The following ATP1B1 variants were observed in gnomAD, a reference collection of about 807,000 sequenced individuals.
ATP1B1 encodes ATPase Na+/K+ transporting subunit beta 1, also known as sodium/potassium-transporting ATPase subunit beta-1.
Under a neutral mutation model 39.6 loss-of-function variants are expected in ATP1B1, and 3 were observed. The ratio of observed to expected loss-of-function variants is 0.08; its 90% CI spans 0.03 to 0.20. The LOEUF is 0.20. ATP1B1 is among the 10% of genes least tolerant of loss of function. The pLI is 1.00. For synonymous variants in ATP1B1, 139 were observed against 135.0 expected, an observed-to-expected ratio of 1.03 and a Z score of -0.20; for missense variants, 216 against 371.1, an observed-to-expected ratio of 0.58 and a Z score of 3.43.
chr1:169,129,611 A>G (rs185663577), intron 4 of ATP1B1, among the ~76,000 whole-genome samples: 169 of 152,346 alleles, frequency 1.1e-3, no homozygotes, highest in African/African-American at 3.8e-3. Context: ...CTCAGGAGGA[A>G]AGCCCACGCT....
intron 2 of ATP1B1, among the ~76,000 whole-genome samples, chr1:169,117,678 G>GTCCAC (rs1160973361): frequency 5.3e-5 from 8 of 152,280 alleles, no homozygotes; most frequent in African/African-American, 1.9e-4. Flanking sequence ...AGCCTGACAG[G>GTCCAC]TCCACTTCTA....
rs541238392 is a variant in ATP1B1 at position 169,118,031 on chromosome 1, GTTA to G, written c.226+6536_226+6538del. Among the ~76,000 whole-genome samples, 6 of 152,258 alleles carry G rather than the reference GTTA, an allele frequency of 3.9e-5. No homozygotes were observed. In the South Asian group the frequency reaches 1.2e-3, roughly 32 times the overall value. On this transcript the variant is annotated intron_variant, in intron 2 of 5. Coordinates refer to ENST00000367815, the MANE Select transcript of ATP1B1 (RefSeq NM_001677.4). ...TACTAGGATTTATCTATTTGTTTAT[GTTA>G]TTCTTTTATAAAAGTGGCACCTTTC...
chr1:169,124,934 A>G lies in ATP1B1; in HGVS notation c.277A>G (p.Asn93Asp), dbSNP rs1336767629. Residue 93 changes from asparagine to aspartate, a missense_variant, in exon 3 of 6, where the codon AAT (asparagine) becomes GAT (aspartate). Asn to Asp is a conservative substitution (Grantham distance 23). Transcript: ENST00000367815. ...IQKTEISFRP[N>D]DPKSYEAYVL... ...GAAGACTGAAATTTCCTTTCGTCCTAATGATCCCAAGAGCTATGAGGCATA... is the reference window on the plus strand; with the variant it reads ...GAAGACTGAAATTTCCTTTCGTCCTGATGATCCCAAGAGCTATGAGGCATA... 5 of 1,614,040 alleles carry G rather than the reference A, an allele frequency of 3.1e-6. No individual in the cohort carries two copies. Among genetic ancestry groups the G allele is most frequent in the South Asian group, 1.1e-5 (1 of 91,070 alleles).
intron 2 of ATP1B1, among the ~76,000 whole-genome samples, chr1:169,115,362 T>A (rs1389179483): frequency 6.6e-6 from 1 of 151,054 alleles, no homozygotes; most frequent in Non-Finnish European, 1.5e-5. Flanking sequence ...TTTTTTTTTT[T>A]TTTCAAGAGG....
chr1:169,116,787 G>C (rs1657856417), intron 2 of ATP1B1, among the ~76,000 whole-genome samples: 1 of 151,686 alleles, frequency 6.6e-6, no homozygotes, highest in Non-Finnish European at 1.5e-5. Context: ...GAAGGCAGAC[G>C]TTGCAGTGAG....
chr1:169,118,322 G>A (rs867765939), intron 2 of ATP1B1, among the ~76,000 whole-genome samples: 1 of 152,184 alleles, frequency 6.6e-6, no homozygotes, highest in African/African-American at 2.4e-5. Context: ...GAGACAGTCC[G>A]GGGATTCAGT....
At chr1:169,116,124 C>G (rs1427180752) in intron 2 of ATP1B1, among the ~76,000 whole-genome samples, 1 of 152,406 alleles carries the variant, frequency 6.6e-6, no homozygotes, top group East Asian at 1.9e-4. Context: ...CACACTCAGG[C>G]TACCAAGCCC....
In ATP1B1 at chr1:169,111,613, GA is replaced by G. The variant is rs61555193; in HGVS notation, c.226+119del. ...TATAATGTAGTCTTAAAGCAACCAT[GA>G]AAAGGGAAAAGAGAAACTTCTCTCG... is the stretch of plus-strand genomic sequence containing the variant. On this transcript the variant is annotated intron_variant, in intron 2 of 5. Coordinates refer to ENST00000367815, the MANE Select transcript of ATP1B1 (RefSeq NM_001677.4). The G allele has an allele frequency of 3.3e-3, 4,544 of 1,382,460 alleles. 113 individuals carry two copies. In the African/African-American group the frequency reaches 0.058, roughly 18 times the overall value. The allele number at this position is 1,382,460 out of a possible 1,614,324, so 85.6% of individuals were successfully genotyped here.
intron 1 of ATP1B1, among the ~76,000 whole-genome samples, chr1:169,107,133 G>A (rs1392223454): frequency 6.6e-6 from 1 of 152,206 alleles, no homozygotes; most frequent in East Asian, 1.9e-4. Context: ...GCAGGGTCGG[G>A]GCTGGAACAC....
chr1:169,128,675 A>T (rs948785727), intron 4 of ATP1B1, among the ~76,000 whole-genome samples: 1 of 152,236 alleles, frequency 6.6e-6, no homozygotes. Flanking sequence ...TCAATCAGCT[A>T]TTTAGCAGCA....
intron 2 of ATP1B1, among the ~76,000 whole-genome samples, chr1:169,121,422 C>T (rs12731646): frequency 0.3 from 46,352 of 152,108 alleles, 8,190 homozygotes; most frequent in Non-Finnish European, 0.4. Flanking sequence ...TGTTTTGAGT[C>T]TGACACATGT....
At chr1:169,111,913 ATTCTT>A (rs535489415) in intron 2 of ATP1B1, among the ~76,000 whole-genome samples, 89 of 152,326 alleles carry the variant, frequency 5.8e-4, no homozygotes, top group African/African-American at 2.0e-3. Flanking sequence ...ACTCAGGTAA[ATTCTT>A]TTAAAAAAGT....
chr1:169,117,689 C>CCA (rs1657881461), intron 2 of ATP1B1, among the ~76,000 whole-genome samples: 1 of 152,300 alleles, frequency 6.6e-6, no homozygotes, highest in African/African-American at 2.4e-5. Context: ...TCCACTTCTA[C>CCA]CATAAAATCT....
At chr1:169,115,358 T>C (rs1454721991) in intron 2 of ATP1B1, among the ~76,000 whole-genome samples, 1 of 150,976 alleles carries the variant, frequency 6.6e-6, no homozygotes, top group African/African-American at 2.4e-5. Flanking sequence ...TTTCTTTTTT[T>C]TTTTTTTCAA....
At position 169,111,274 on chromosome 1, in the gene ATP1B1, G is replaced by T. The variant is rs935636747; in HGVS notation, c.98-96G>T. 4.6e-6 allele frequency: 7 copies of T among 1,514,048 alleles called. No homozygotes were observed. In the Middle Eastern group the frequency reaches 7.2e-4, roughly 155 times the overall value. 93.8% of individuals were successfully genotyped at this position (1,514,048 alleles called of 1,614,324 possible). A position where few individuals can be genotyped will look rare whatever the true frequency, so the allele number is the denominator to read the frequency against. ...CAAGGAAGAAATCATGGGACCGGGG[G>T]AACCAGGAAGGAAGCTTGTTCATCC... On this transcript the variant is annotated intron_variant, in intron 1 of 5. Transcript: ENST00000367815.
intron 2 of ATP1B1, among the ~76,000 whole-genome samples, chr1:169,115,020 TA>T (rs1203354790): frequency 1.3e-5 from 2 of 151,592 alleles, no homozygotes; most frequent in Non-Finnish European, 2.9e-5. Context: ...CCGTCTCTAC[TA>T]AAAAATACAA....
At position 169,129,997 on chromosome 1, in the gene ATP1B1, GT is replaced by G; in HGVS notation, c.568-9del. ...ATTTACAATCTACTGATCATAATGGGTTTTATTTTTAGCCTCCCAAGAATGA... is the reference window on the plus strand; with the variant it reads ...ATTTACAATCTACTGATCATAATGGGTTTATTTTTAGCCTCCCAAGAATGA... On this transcript the variant is annotated splice_polypyrimidine_tract_variant and intron_variant, in intron 4 of 5. Coordinates refer to ENST00000367815, the MANE Select transcript of ATP1B1 (RefSeq NM_001677.4). 1 of 1,612,578 alleles carries G rather than the reference GT, an allele frequency of 6.2e-7. No individual in the cohort carries two copies. The highest frequency in any genetic ancestry group is 8.5e-7 in the Non-Finnish European group (1 of 1,178,934).
At chr1:169,110,428 C>T (rs1179445624) in intron 1 of ATP1B1, among the ~76,000 whole-genome samples, 2 of 152,170 alleles carry the variant, frequency 1.3e-5, no homozygotes, top group Non-Finnish European at 2.9e-5. Context: ...CCCTGTTTTG[C>T]ATTCACATTG....
chr1:169,110,583 T>TTG, intron 1 of ATP1B1: 2 of 1,026,248 alleles, frequency 1.9e-6, no homozygotes, highest in Non-Finnish European at 2.5e-6. Context: ...TTTTTTTTTT[T>TTG]TTTGCTTTTG....
Sources: allele counts gnomAD v4.1 joint callset (sites outside exome capture counted in the v4.1 genomes callset), GRCh38; gene constraint gnomAD v4.1.1; transcripts MANE v1.5; gene names NCBI Gene and HGNC (gene_info 2026-07-23, HGNC 2026-07-21).